HOOK1: variants seen among roughly 807,000 people sequenced by gnomAD.
The protein encoded by HOOK1 is hook microtubule tethering protein 1, also known as protein Hook homolog 1.
A neutral mutation model predicts 112.8 loss-of-function variants in HOOK1; 60 were observed. That is an observed-to-expected ratio of 0.53 (90% CI 0.43 to 0.66). The LOEUF (loss-of-function observed/expected upper bound fraction) is 0.66, where lower values mean the gene tolerates loss of function less well. Ranked by LOEUF, HOOK1 falls within the 30% of genes least tolerant of loss-of-function variation. HOOK1 has a pLI of 0.00. For synonymous variants in HOOK1, 294 were observed against 283.8 expected, an observed-to-expected ratio of 1.04 and a Z score of -0.36; for missense variants, 770 against 856.0, an observed-to-expected ratio of 0.90 and a Z score of 1.25.
chr1:59,841,104 A>G (rs1453417872), intron 8 of HOOK1, among the ~76,000 whole-genome samples: 2 of 152,290 alleles, frequency 1.3e-5, no homozygotes, highest in Admixed American at 6.5e-5. Context: ...GTTCATATAT[A>G]TAGCACTTAG....
chr1:59,847,853 C>T (rs567903525), intron 10 of HOOK1, among the ~76,000 whole-genome samples: 5 of 151,668 alleles, frequency 3.3e-5, no homozygotes, highest in African/African-American at 9.6e-5. Flanking sequence ...CAGGTAAGCA[C>T]AACTCCAAAG....
In HOOK1 at chr1:59,874,845, C is replaced by T. The variant is rs1356908951; in HGVS notation, c.*1880C>T. Reference sequence around the variant, plus strand: ...GCCTGGTAACTTTTTACTGAAAATACAAGAATTTCGTACTGCATTTGCATC... The same window carrying T: ...GCCTGGTAACTTTTTACTGAAAATATAAGAATTTCGTACTGCATTTGCATC... On this transcript the variant is annotated 3_prime_UTR_variant, in exon 22 of 22. Transcript: ENST00000371208. 6.6e-6 allele frequency: 1 copy of T among 152,480 alleles called. No individual in the cohort carries two copies. Among genetic ancestry groups the T allele is most frequent in the African/African-American group, 2.4e-5 (1 of 41,414 alleles). 9.4% of individuals were successfully genotyped at this position (152,480 alleles called of 1,614,324 possible).
Position 59,840,294 on chromosome 1 carries a change from A to G in HOOK1, c.538-14A>G. The G allele has an allele frequency of 6.5e-7, 1 of 1,547,608 alleles. No homozygotes were observed. The highest frequency in any genetic ancestry group is 2.3e-5 in the East Asian group (1 of 43,106). On this transcript the variant is annotated splice_polypyrimidine_tract_variant and intron_variant, in intron 7 of 21. Transcript: ENST00000371208. ...AACACGATTTACTAAGATTTAGGAC[A>G]TTTTGTATTTCAGCTTAAAAGAGCC...
chr1:59,839,679 A>G (rs977909045), intron 7 of HOOK1, among the ~76,000 whole-genome samples: 1 of 152,026 alleles, frequency 6.6e-6, no homozygotes, highest in Non-Finnish European at 1.5e-5. Flanking sequence ...AATAGGCTTT[A>G]TTGCTTTCTC....
At chr1:59,860,859 C>T (rs190492860) in intron 15 of HOOK1, among the ~76,000 whole-genome samples, 341 of 151,848 alleles carry the variant, frequency 2.2e-3, no homozygotes, top group Admixed American at 8.7e-3. Flanking sequence ...CTGCAACTTC[C>T]GCCTCACGGG....
chr1:59,859,076 T>TG, intron 14 of HOOK1, 31 bp downstream of exon 14: 4 of 1,051,316 alleles, frequency 3.8e-6, no homozygotes, highest in African/African-American at 1.7e-5. Flanking sequence ...GATAGAATTA[T>TG]ATTTAATATT....
chr1:59,860,123 T>G, intron 14 of HOOK1, 65 bp from the exon 15 acceptor site: 1 of 1,319,578 alleles, frequency 7.6e-7, no homozygotes, highest in South Asian at 1.7e-5. Flanking sequence ...TTTCCTTTTT[T>G]TAACTAAAGA....
intron 9 of HOOK1, 88 bp downstream of exon 9, chr1:59,843,686 CA>C: frequency 1.0e-6 from 1 of 973,726 alleles, no homozygotes; most frequent in Non-Finnish European, 1.5e-6. Flanking sequence ...AATTACTAAG[CA>C]TTGTTAAGCA....
intron 2 of HOOK1, among the ~76,000 whole-genome samples, chr1:59,827,157 G>C (rs1008453130): frequency 2.6e-5 from 4 of 152,108 alleles, no homozygotes; most frequent in African/African-American, 9.7e-5. Context: ...AGACTCAAAG[G>C]GCAGCTAGAG....
chr1:59,831,182 G>C (rs2098393711), intron 3 of HOOK1, among the ~76,000 whole-genome samples: 1 of 152,018 alleles, frequency 6.6e-6, no homozygotes, highest in Non-Finnish European at 1.5e-5. Context: ...TTCTTTTGAG[G>C]AGTGTTGAAT....
intron 3 of HOOK1, among the ~76,000 whole-genome samples, chr1:59,830,983 C>A (rs2098393534): frequency 6.6e-6 from 1 of 151,710 alleles, no homozygotes. Context: ...TCACTGCAAC[C>A]TCTGCCCCCG....
intron 1 of HOOK1, 89 bp downstream of exon 1, chr1:59,815,269 A>G (rs2098380383): frequency 1.6e-6 from 2 of 1,264,350 alleles, no homozygotes; most frequent in Non-Finnish European, 2.2e-6. Context: ...AGCTGGGGCT[A>G]CCTGCACAGG....
rs763464015 is a variant in HOOK1, at chr1:59,874,955, T to C, written c.*1990T>C. The C allele has an allele frequency of 6.6e-6, 1 of 152,628 alleles. No homozygotes were observed. Among genetic ancestry groups the C allele is most frequent in the African/African-American group, 2.4e-5 (1 of 41,466 alleles). The allele number at this position is 152,628 out of a possible 1,614,324, so 9.5% of individuals were successfully genotyped here. A position where few individuals can be genotyped will look rare whatever the true frequency, so the allele number is the denominator to read the frequency against. ...TACCTCTTAGATTTTGATACAGTTA[T>C]ATTGTTGAGTTTCATTTTCATATAT... On this transcript the variant is annotated 3_prime_UTR_variant, in exon 22 of 22. Coordinates refer to ENST00000371208, the MANE Select transcript of HOOK1 (RefSeq NM_015888.6).
chr1:59,849,014 T>G, intron 11 of HOOK1, 59 bp from the exon 12 acceptor site: 52 of 922,174 alleles, frequency 5.6e-5, no homozygotes, highest in Non-Finnish European at 7.8e-5. Flanking sequence ...GAAAGACTAT[T>G]GAGATTTATA....
chr1:59,863,731 T>C, intron 16 of HOOK1: 1 of 374,064 alleles, frequency 2.7e-6, no homozygotes, highest in Non-Finnish European at 3.7e-6. Flanking sequence ...AGTAAAGAGA[T>C]GAAAAGGAAA....
intron 20 of HOOK1, 124 bp from the exon 21 acceptor site, chr1:59,870,918 T>G (rs1165990662): frequency 1.5e-6 from 1 of 656,020 alleles, no homozygotes; most frequent in Non-Finnish European, 2.7e-6. Flanking sequence ...TTTGACTACA[T>G]TGTGTGCCTC....
chr1:59,825,334 G>A (rs192885132), intron 2 of HOOK1, among the ~76,000 whole-genome samples: 1 of 152,282 alleles, frequency 6.6e-6, no homozygotes, highest in African/African-American at 2.4e-5. Context: ...TTAAGCACCA[G>A]TTAACCTCTC....
intron 9 of HOOK1, among the ~76,000 whole-genome samples, chr1:59,846,136 A>G (rs938843922): frequency 3.3e-5 from 5 of 151,992 alleles, no homozygotes; most frequent in East Asian, 1.9e-4. Context: ...ACTTATTGAC[A>G]TGAAGTTCTT....
At chr1:59,818,859 T>G (rs2101999867) in intron 1 of HOOK1, among the ~76,000 whole-genome samples, 1 of 152,266 alleles carries the variant, frequency 6.6e-6, no homozygotes, top group South Asian at 2.1e-4. Flanking sequence ...GATCCAAGAT[T>G]GAGTTTTTGT....
Sources: gnomAD v4.1 joint callset for allele counts (sites outside exome capture counted in the v4.1 genomes callset) on GRCh38, gnomAD v4.1.1 for gene constraint, MANE v1.5 for transcripts, NCBI Gene and HGNC (gene_info 2026-07-23, HGNC 2026-07-21) for gene names.